The following CAMSAP2 variants were observed in gnomAD, a reference collection of about 807,000 sequenced individuals.
CAMSAP2 encodes calmodulin-regulated spectrin-associated protein 2.
CAMSAP2 carries 26 observed loss-of-function variants against 146.1 expected under a neutral mutation model. The observed-to-expected ratio is 0.18, with a 90% CI of 0.13 to 0.25. The LOEUF (loss-of-function observed/expected upper bound fraction) is 0.25. CAMSAP2 is among the 10% of genes least tolerant of loss of function. CAMSAP2 has a pLI of 1.00. For missense variants in CAMSAP2, 1,381 were observed against 1,759.3 expected, an observed-to-expected ratio of 0.78 and a Z score of 3.85; for synonymous variants, 499 against 596.6, an observed-to-expected ratio of 0.84 and a Z score of 2.38.
chr1:200,828,708 C>T (rs1405470711), intron 4 of CAMSAP2: 1 of 1,077,468 alleles, frequency 9.3e-7, no homozygotes, highest in Non-Finnish European at 1.4e-6. Context: ...TTCTGTTAGT[C>T]ATTGAATAGA....
At chr1:200,820,869 C>CAG (rs1666742917) in intron 4 of CAMSAP2, among the ~76,000 whole-genome samples, 1 of 152,108 alleles carries the variant, frequency 6.6e-6, no homozygotes, top group Admixed American at 6.5e-5. Flanking sequence ...TTACTAGCAT[C>CAG]CCATAGAATT....
intron 2 of CAMSAP2, among the ~76,000 whole-genome samples, chr1:200,761,545 TACCA>T (rs757035048): frequency 6.6e-6 from 1 of 151,972 alleles, no homozygotes; most frequent in Non-Finnish European, 1.5e-5. Context: ...AGACCAGTCT[TACCA>T]ACATGGAGAA....
chr1:200,759,822 G>A (rs1021838911), intron 1 of CAMSAP2, among the ~76,000 whole-genome samples: 1 of 152,174 alleles, frequency 6.6e-6, no homozygotes, highest in Non-Finnish European at 1.5e-5. Context: ...CCTCATCCTT[G>A]TCCTGCTTCG....
chr1:200,850,888 C>T (rs955030450), intron 11 of CAMSAP2, among the ~76,000 whole-genome samples: 1 of 152,180 alleles, frequency 6.6e-6, no homozygotes. Context: ...AAAAATCTTG[C>T]CTGTTGAATA....
chr1:200,773,279 A>G (rs1035649707), intron 2 of CAMSAP2, among the ~76,000 whole-genome samples: 2 of 152,100 alleles, frequency 1.3e-5, no homozygotes, highest in Non-Finnish European at 2.9e-5. Flanking sequence ...ATTTTGAGAC[A>G]GTCTCCCTCT....
intron 6 of CAMSAP2, among the ~76,000 whole-genome samples, chr1:200,841,587 G>C (rs1485683649): frequency 6.6e-6 from 1 of 152,134 alleles, no homozygotes; most frequent in African/African-American, 2.4e-5. Context: ...TTACGTTTTG[G>C]AGAAATTTCT....
intron 1 of CAMSAP2, among the ~76,000 whole-genome samples, chr1:200,759,246 T>G (rs1221101513): frequency 1.3e-5 from 2 of 152,008 alleles, no homozygotes; most frequent in African/African-American, 4.8e-5. Context: ...GCTCTTTTTT[T>G]TCTGACTAAA....
intron 1 of CAMSAP2, among the ~76,000 whole-genome samples, chr1:200,745,048 G>A (rs1164792236): frequency 5.3e-5 from 8 of 151,866 alleles, no homozygotes; most frequent in Admixed American, 5.2e-4. Context: ...TCTTGTAAGC[G>A]TTTTATATGC....
chr1:200,742,425 A>G (rs1336988767), intron 1 of CAMSAP2, among the ~76,000 whole-genome samples: 4 of 152,218 alleles, frequency 2.6e-5, no homozygotes, highest in Non-Finnish European at 4.4e-5. Flanking sequence ...CTTAGTAACA[A>G]TATATTAATA....
chr1:200,857,513 T>C lies in CAMSAP2; in HGVS notation c.4131+89T>C. ...AATGTACTCTCATGGGCCTAGACTT[T>C]CAACAGCATGTAAAAAGATCTGTAG... On this transcript the variant is annotated intron_variant, in intron 16 of 16. Coordinates refer to ENST00000358823, the MANE Select transcript of CAMSAP2 (RefSeq NM_203459.4). This position sits in a 1 kb window ranked among gnomAD's most constrained non-coding sequence, Gnocchi z 4.7. 3.3e-6 allele frequency: 3 copies of C among 911,370 alleles called. No homozygotes were observed. Among genetic ancestry groups the C allele is most frequent in the Non-Finnish European group, 5.2e-6 (3 of 573,562 alleles). 56.5% of individuals were successfully genotyped at this position (911,370 alleles called of 1,614,324 possible). A position where few individuals can be genotyped will look rare whatever the true frequency, so the allele number is the denominator to read the frequency against.
chr1:200,761,444 G>A (rs1664798416), intron 2 of CAMSAP2, among the ~76,000 whole-genome samples: 1 of 152,092 alleles, frequency 6.6e-6, no homozygotes, highest in African/African-American at 2.4e-5. Context: ...ATTAATAAGT[G>A]CTGATTTATG....
At chr1:200,804,251 G>T in intron 2 of CAMSAP2, among the ~76,000 whole-genome samples, 1 of 151,852 alleles carries the variant, frequency 6.6e-6, no homozygotes, top group East Asian at 1.9e-4. Flanking sequence ...CTTGTTTCTT[G>T]TCTGTTTCCT....
chr1:200,790,160 G>A (rs907463712), intron 2 of CAMSAP2, among the ~76,000 whole-genome samples: 6 of 152,156 alleles, frequency 3.9e-5, no homozygotes, highest in African/African-American at 1.4e-4. Flanking sequence ...GGTGGGTCAG[G>A]AAGGCTAGAG....
chr1:200,759,535 C>T (rs1267801954), intron 1 of CAMSAP2, among the ~76,000 whole-genome samples: 2 of 152,186 alleles, frequency 1.3e-5, no homozygotes, highest in Non-Finnish European at 2.9e-5. Flanking sequence ...CTTCGACCTC[C>T]CAAAGTGCTG....
At position 200,739,456 on chromosome 1, in the gene CAMSAP2, C is replaced by A. The variant is rs971665534; in HGVS notation, c.-372C>A. The stretch of plus-strand genomic sequence containing the variant: ...CCCTTAAAATTCCGGGCCCTTCCAG[C>A]CTCCACCCTCCCCCAAGCCCGTGTG... On this transcript the variant is annotated 5_prime_UTR_variant, in exon 1 of 17. Transcript: ENST00000358823. This position sits in a 1 kb window ranked among gnomAD's most constrained non-coding sequence, Gnocchi z 4.8. 6.5e-6 allele frequency: 1 copy of A among 153,188 alleles called. No homozygotes were observed. Among genetic ancestry groups the A allele is most frequent in the African/African-American group, 2.4e-5 (1 of 41,464 alleles). 9.5% of individuals were successfully genotyped at this position (153,188 alleles called of 1,614,324 possible). A position where few individuals can be genotyped will look rare whatever the true frequency, so the allele number is the denominator to read the frequency against.
At position 200,857,639 on chromosome 1, in the gene CAMSAP2, G is replaced by T; in HGVS notation, c.4132-115G>T. ...GCAATAGGCTTTAAGATTTGTCATTGAAATAATGTTATAAAATGTGACTAA... is the reference window on the plus strand; with the variant it reads ...GCAATAGGCTTTAAGATTTGTCATTTAAATAATGTTATAAAATGTGACTAA... On this transcript the variant is annotated intron_variant, in intron 16 of 16. Transcript: ENST00000358823. The surrounding 1 kb of genome is among the most constrained non-coding windows in gnomAD (Gnocchi z 4.7). 9.9e-7 allele frequency: 1 copy of T among 1,010,754 alleles called. No individual in the cohort carries two copies. The highest frequency in any genetic ancestry group is 1.4e-6 in the Non-Finnish European group (1 of 701,144). 62.6% of individuals were successfully genotyped at this position (1,010,754 alleles called of 1,614,324 possible).
chr1:200,781,263 T>G (rs1427941264), intron 2 of CAMSAP2, among the ~76,000 whole-genome samples: 1 of 152,254 alleles, frequency 6.6e-6, no homozygotes, highest in South Asian at 2.1e-4. Flanking sequence ...TGTGACTGTT[T>G]AAAATATACT....
In CAMSAP2 at chr1:200,837,766, T is replaced by C. The variant is rs545710213; in HGVS notation, c.928-4228T>C. Among the ~76,000 whole-genome samples, 5 of 152,320 alleles carry C rather than the reference T, an allele frequency of 3.3e-5. No homozygotes were observed. In the South Asian group the frequency reaches 1.0e-3, roughly 32 times the overall value. On this transcript the variant is annotated intron_variant, in intron 6 of 16. Transcript: ENST00000358823. Reference sequence around the variant, plus strand: ...GATTTCTTTGAGCAGTGTATTGTAGTTCTCCTTGTAGAGATCTTTCACTTC... The same window carrying C: ...GATTTCTTTGAGCAGTGTATTGTAGCTCTCCTTGTAGAGATCTTTCACTTC...
chr1:200,752,912 T>C (rs4915207), intron 1 of CAMSAP2, among the ~76,000 whole-genome samples: 149,919 of 152,136 alleles, frequency 0.99, 73,904 homozygotes, highest in Middle Eastern at 1. Flanking sequence ...CCACCGTGCC[T>C]GGCCTAGTTG....
Sources: gnomAD v4.1 joint callset for allele counts (sites outside exome capture counted in the v4.1 genomes callset) on GRCh38, gnomAD v4.1.1 for gene constraint, Gnocchi (gnomAD v3.1) non-coding constraint, MANE v1.5 for transcripts, NCBI Gene and HGNC (gene_info 2026-07-23, HGNC 2026-07-21) for gene names.